The following KIRREL3 variants were observed in gnomAD, a reference collection of about 807,000 sequenced individuals.
KIRREL3 encodes the protein kirre like nephrin family adhesion molecule 3, also known as kin of IRRE-like protein 3.
A neutral mutation model predicts 89.7 loss-of-function variants in KIRREL3; 36 were observed. That is an observed-to-expected ratio of 0.40 (90% CI 0.31 to 0.53). The LOEUF is 0.53. Among genes scored for constraint, KIRREL3 ranks in the 20% least tolerant of loss-of-function variants. The pLI, the probability that KIRREL3 is intolerant of heterozygous loss-of-function variation, is 0.49. For missense variants in KIRREL3, 864 were observed against 1,056.6 expected (o/e 0.82, Z 2.53); for synonymous variants, 445 against 441.4 (o/e 1.01, Z -0.10).
chr11:126,909,321 G>C lies in KIRREL3; in HGVS notation c.55+91134C>G, dbSNP rs1232355384. ...GTGTGTGGCCCTGGGATCAACTGTG[G>C]ACTTCTTCACTAGCCTGAGAGTTCC... On this transcript the variant is annotated intron_variant, in intron 1 of 16. Coordinates refer to ENST00000525144, the MANE Select transcript of KIRREL3 (RefSeq NM_032531.4). This position sits in a 1 kb window ranked among gnomAD's most constrained non-coding sequence, Gnocchi z 4.5. 2.0e-5 allele frequency among the ~76,000 whole-genome samples: 3 copies of C among 152,136 alleles called. No individual in the cohort carries two copies. The highest frequency in any genetic ancestry group is 4.4e-5 in the Non-Finnish European group (3 of 68,028).
rs1481674082 is a variant in KIRREL3 at position 126,639,779 on chromosome 11, T to C, written c.56-76867A>G. ...AAAGTTATTTTTGAGCCACTAGGAT[T>C]CTTGTGAAATAGACACAAGAAGGAG... is the stretch of plus-strand genomic sequence containing the variant. On this transcript the variant is annotated intron_variant, in intron 1 of 16. Transcript: ENST00000525144. This position sits in a 1 kb window ranked among gnomAD's most constrained non-coding sequence, Gnocchi z 4.3. Among the ~76,000 whole-genome samples, 1 of 152,366 alleles carries C rather than the reference T, an allele frequency of 6.6e-6. No individual in the cohort carries two copies. Among genetic ancestry groups the C allele is most frequent in the Non-Finnish European group, 1.5e-5 (1 of 68,038 alleles).
chr11:126,575,387 A>G lies in KIRREL3; in HGVS notation c.56-12475T>C, dbSNP rs998495675. ...GAGATATCCACCTTCAGTCTCCTCA[A>G]TGTGTACAATGGAGAGGTCTTGGGC... On this transcript the variant is annotated intron_variant, in intron 1 of 16. Transcript: ENST00000525144. This position sits in a 1 kb window ranked among gnomAD's most constrained non-coding sequence, Gnocchi z 7.0. 1.3e-5 allele frequency among the ~76,000 whole-genome samples: 2 copies of G among 152,124 alleles called. No individual in the cohort carries two copies. Among genetic ancestry groups the G allele is most frequent in the East Asian group, 1.9e-4 (1 of 5,174 alleles).
At position 126,892,105 on chromosome 11, in the gene KIRREL3, G is replaced by C. The variant is rs774276405; in HGVS notation, c.55+108350C>G. ...CTGTGCACCAGAGAGAGGCCACTTA[G>C]CCTCCCTTGGCCTCAATGGCTTCTT... On this transcript the variant is annotated intron_variant, in intron 1 of 16. Transcript: ENST00000525144. This position sits in a 1 kb window ranked among gnomAD's most constrained non-coding sequence, Gnocchi z 5.4. Among the ~76,000 whole-genome samples the C allele has an allele frequency of 6.6e-6, 1 of 152,118 alleles. No homozygotes were observed. The highest frequency in any genetic ancestry group is 1.5e-5 in the Non-Finnish European group (1 of 68,012).
intron 1 of KIRREL3, among the ~76,000 whole-genome samples, chr11:126,986,645 C>A (rs1949875315): frequency 1.3e-5 from 2 of 152,154 alleles, no homozygotes; most frequent in Non-Finnish European, 2.9e-5. Context: ...TGATTTCTTT[C>A]CAGTTGTGAG....
chr11:127,001,322 G>A (rs1350682589), upstream of KIRREL3, among the ~76,000 whole-genome samples: 2 of 136,208 alleles, frequency 1.5e-5, no homozygotes, highest in African/African-American at 5.3e-5. Context: ...GGTGGGGGGG[G>A]GGGGTAGGTA....
chr11:126,904,476 T>C lies in KIRREL3; in HGVS notation c.55+95979A>G, dbSNP rs1420427849. Among the ~76,000 whole-genome samples, 1 of 152,220 alleles carries C rather than the reference T, an allele frequency of 6.6e-6. No individual in the cohort carries two copies. ...CAAAGCAATGTTAACATAGCAGATA[T>C]TTGGTCAGAAAATCTTTTATGAATT... is the stretch of plus-strand genomic sequence containing the variant. On this transcript the variant is annotated intron_variant, in intron 1 of 16. Transcript: ENST00000525144. The surrounding 1 kb of genome is among the most constrained non-coding windows in gnomAD (Gnocchi z 4.4).
At position 126,985,450 on chromosome 11, in the gene KIRREL3, C is replaced by T. The variant is rs939476751; in HGVS notation, c.55+15005G>A. Among the ~76,000 whole-genome samples, 4 of 152,054 alleles carry T rather than the reference C, an allele frequency of 2.6e-5. No individual in the cohort carries two copies. Among genetic ancestry groups the T allele is most frequent in the Non-Finnish European group, 1.5e-5 (1 of 67,988 alleles). ...CATAGTAAGAGCCACAAAAGGCTTC[C>T]TGGGGCGCTGTGGAATAAGGAAGGA... is the stretch of plus-strand genomic sequence containing the variant. On this transcript the variant is annotated intron_variant, in intron 1 of 16. Transcript: ENST00000525144. The surrounding 1 kb of genome is among the most constrained non-coding windows in gnomAD (Gnocchi z 5.3).
At chr11:126,902,207 AG>A (rs1946401507) in intron 1 of KIRREL3, among the ~76,000 whole-genome samples, 1 of 152,178 alleles carries the variant, frequency 6.6e-6, no homozygotes, top group African/African-American at 2.4e-5. Context: ...GTCCACCAAA[AG>A]GTGCTGTCAT....
intron 1 of KIRREL3, among the ~76,000 whole-genome samples, chr11:126,735,847 T>C (rs544875035): frequency 7.2e-5 from 11 of 152,210 alleles, no homozygotes; most frequent in Non-Finnish European, 1.6e-4. Context: ...AACAGATGAA[T>C]GGATAATCTT....
intron 1 of KIRREL3, among the ~76,000 whole-genome samples, chr11:126,626,312 G>A (rs1450004589): frequency 6.6e-6 from 1 of 152,202 alleles, no homozygotes; most frequent in African/African-American, 2.4e-5. Context: ...ATGCAAACAT[G>A]TATTCCCTTG....
intron 1 of KIRREL3, among the ~76,000 whole-genome samples, chr11:126,828,788 T>C (rs796448122): frequency 9.2e-5 from 14 of 152,066 alleles, no homozygotes; most frequent in African/African-American, 3.4e-4. Context: ...GTTCTAAGAG[T>C]TTTTATTTAT....
Position 126,766,735 on chromosome 11 carries a change from G to A in KIRREL3, c.56-203823C>T, listed in dbSNP as rs1205618857. Among the ~76,000 whole-genome samples, 1 of 152,106 alleles carries A rather than the reference G, an allele frequency of 6.6e-6. No individual in the cohort carries two copies. The highest frequency in any genetic ancestry group is 1.5e-5 in the Non-Finnish European group (1 of 68,016). On this transcript the variant is annotated intron_variant, in intron 1 of 16. Transcript: ENST00000525144. The surrounding 1 kb of genome is among the most constrained non-coding windows in gnomAD (Gnocchi z 4.2). The stretch of plus-strand genomic sequence containing the variant: ...TTTCTGCCTTGGCCTGGGGGAGGCG[G>A]GTGTTGTAAAACTTAATGATCATCT...
chr11:126,554,101 G>T (rs534652579), intron 2 of KIRREL3, among the ~76,000 whole-genome samples: 1 of 152,148 alleles, frequency 6.6e-6, no homozygotes, highest in Non-Finnish European at 1.5e-5. Context: ...GCCTGAGAGT[G>T]TCTTGTCCTT....
At chr11:126,919,468 T>C (rs772098421) in intron 1 of KIRREL3, among the ~76,000 whole-genome samples, 1 of 152,192 alleles carries the variant, frequency 6.6e-6, no homozygotes, top group Non-Finnish European at 1.5e-5. Context: ...CTGGCTGCAG[T>C]GAGGAATAAC....
At chr11:126,878,702 T>C (rs1281674502) in intron 1 of KIRREL3, among the ~76,000 whole-genome samples, 2 of 151,054 alleles carry the variant, frequency 1.3e-5, no homozygotes, top group Admixed American at 6.6e-5. Flanking sequence ...AGATGAAAAA[T>C]GGTGTAAGCT....
intron 1 of KIRREL3, among the ~76,000 whole-genome samples, chr11:126,819,425 A>G (rs914313593): frequency 6.6e-6 from 1 of 152,168 alleles, no homozygotes; most frequent in African/African-American, 2.4e-5. Context: ...TCTCAGGCAT[A>G]ATAAGGTGTG....
rs1944891431 is a variant in KIRREL3, at chr11:126,651,105, T to C, written c.56-88193A>G. On this transcript the variant is annotated intron_variant, in intron 1 of 16. Coordinates refer to ENST00000525144, the MANE Select transcript of KIRREL3 (RefSeq NM_032531.4). This position sits in a 1 kb window ranked among gnomAD's most constrained non-coding sequence, Gnocchi z 4.6. Reference sequence around the variant, plus strand: ...CCCACCGGGTCCCTCCCACAACACATAGGAATTATGGGAGTACAATTCAAG... The same window carrying C: ...CCCACCGGGTCCCTCCCACAACACACAGGAATTATGGGAGTACAATTCAAG... 6.6e-6 allele frequency among the ~76,000 whole-genome samples: 1 copy of C among 152,048 alleles called. No homozygotes were observed. The highest frequency in any genetic ancestry group is 6.5e-5 in the Admixed American group (1 of 15,270).
chr11:126,621,779 A>G (rs1943585721), intron 1 of KIRREL3, among the ~76,000 whole-genome samples: 1 of 152,196 alleles, frequency 6.6e-6, no homozygotes, highest in South Asian at 2.1e-4. Flanking sequence ...TTTACTCCTA[A>G]TAATCCCTAT....
At chr11:126,714,019 C>T (rs1371362060) in intron 1 of KIRREL3, among the ~76,000 whole-genome samples, 1 of 152,048 alleles carries the variant, frequency 6.6e-6, no homozygotes, top group South Asian at 2.1e-4. Flanking sequence ...CCTCTGCATT[C>T]GTATTGGGTA....
Sources: allele counts gnomAD v4.1 joint callset (sites outside exome capture counted in the v4.1 genomes callset), GRCh38; gene constraint gnomAD v4.1.1; non-coding constraint Gnocchi (gnomAD v3.1); transcripts MANE v1.5; gene names NCBI Gene and HGNC (gene_info 2026-07-23, HGNC 2026-07-21).